Variants in CALD1 observed in about 807,000 individuals in gnomAD.
CALD1 encodes caldesmon 1.
A neutral mutation model predicts 99.9 loss-of-function variants in CALD1; 33 were observed. That is an observed-to-expected ratio of 0.33 (90% CI 0.25 to 0.44). CALD1 has a LOEUF of 0.44. Ranked by LOEUF, CALD1 falls within the 20% of genes least tolerant of loss-of-function variation. CALD1 has a pLI of 1.00. For missense variants in CALD1, 861 were observed against 962.1 expected (o/e 0.89, Z 1.39); for synonymous variants, 310 against 325.0 (o/e 0.95, Z 0.50).
In CALD1 at chr7:134,933,738, G is replaced by C. The variant is rs764129164; in HGVS notation, c.969G>C (p.Arg323Ser). 3.9e-6 allele frequency: 6 copies of C among 1,556,282 alleles called. No individual in the cohort carries two copies. The highest frequency in any genetic ancestry group is 2.4e-5 in the East Asian group (1 of 41,364). ...ERERMREEEK[R>S]AAEERQRIKE... is the part of the protein sequence containing the mutation. ...AAAGGATGAGGGAGGAAGAGAAAAG[G>C]GCAGCAGAGGAGAGGCAGAGGATAA... Residue 323 changes from arginine (R) to serine (S), a missense_variant, in exon 5 of 15, where the codon AGG (arginine) becomes AGC (serine). Around this residue, in one of 5 missense-constraint regions of CALD1, gnomAD observed 234 missense variants for 233.1 expected, o/e 1.00. Transcript: ENST00000361675.
chr7:134,771,245 C>T (rs891026941), intron 1 of CALD1, among the ~76,000 whole-genome samples: 1 of 152,160 alleles, frequency 6.6e-6, no homozygotes, highest in African/African-American at 2.4e-5. Context: ...AAGCCTGGAT[C>T]CCTTTTCTGA....
Position 134,934,048 on chromosome 7 carries a change from A to G in CALD1, c.1279A>G (p.Lys427Glu). The G allele has an allele frequency of 6.2e-7, 1 of 1,612,270 alleles. No homozygotes were observed. The highest frequency in any genetic ancestry group is 8.5e-7 in the Non-Finnish European group (1 of 1,179,516). The part of the protein sequence containing the change: ...WVNEKKAQED[K>E]LQTAVLKKQG... ...AAATGAAAAGAAAGCACAAGAAGATAAACTTCAGACAGCTGTCCTAAAGAA... is the reference window on the plus strand; with the variant it reads ...AAATGAAAAGAAAGCACAAGAAGATGAACTTCAGACAGCTGTCCTAAAGAA... The change falls in exon 5 of 15, where the codon AAA (lysine) becomes GAA (glutamate). Residue 427 changes from lysine (K) to glutamate (E), a missense_variant. By Grantham distance (56) the Lys-to-Glu change is moderately conservative. Coordinates refer to ENST00000361675, the MANE Select transcript of CALD1 (RefSeq NM_033138.4).
chr7:134,892,626 C>T (rs991269244), intron 3 of CALD1, among the ~76,000 whole-genome samples: 1 of 152,154 alleles, frequency 6.6e-6, no homozygotes, highest in Non-Finnish European at 1.5e-5. Flanking sequence ...TAGCAGATCT[C>T]TTGGAGAGCT....
upstream of CALD1, among the ~76,000 whole-genome samples, chr7:134,743,872 C>A (rs138529727): frequency 4.8e-3 from 727 of 152,274 alleles, 5 homozygotes; most frequent in Admixed American, 0.012. Context: ...TTCCCCGGGG[C>A]AGAAGAATTC....
In CALD1 at chr7:134,783,556, G is replaced by A. The variant is rs1046447679; in HGVS notation, c.-130+3807G>A. ...AGGCTGTGGGTAAGGCTATGGGAGCGGGGTCGGGGGGAAACTATGACCTGG... is the reference window on the plus strand; with the variant it reads ...AGGCTGTGGGTAAGGCTATGGGAGCAGGGTCGGGGGGAAACTATGACCTGG... On this transcript the variant is annotated intron_variant, in intron 1 of 14. Coordinates refer to ENST00000361675, the MANE Select transcript of CALD1 (RefSeq NM_033138.4). This position sits in a 1 kb window ranked among gnomAD's most constrained non-coding sequence, Gnocchi z 4.3. Among the ~76,000 whole-genome samples, 26 of 152,180 alleles carry A rather than the reference G, an allele frequency of 1.7e-4. No individual in the cohort carries two copies. The highest frequency in any genetic ancestry group is 5.9e-5 in the Non-Finnish European group (4 of 68,036).
intron 14 of CALD1, among the ~76,000 whole-genome samples, chr7:134,967,347 CCAAACTGT>C (rs1446747937): frequency 6.6e-6 from 1 of 152,108 alleles, no homozygotes; most frequent in African/African-American, 2.4e-5. Flanking sequence ...CTCTTTTGCT[CCAAACTGT>C]CAAACTCATT....
chr7:134,751,712 C>A (rs1796687203), intron 1 of CALD1, among the ~76,000 whole-genome samples: 1 of 152,078 alleles, frequency 6.6e-6, no homozygotes. Flanking sequence ...CGTGGTGGCT[C>A]ACAACTGTAG....
intron 1 of CALD1, among the ~76,000 whole-genome samples, chr7:134,840,317 C>G (rs563082422): frequency 6.6e-6 from 1 of 152,050 alleles, no homozygotes; most frequent in Non-Finnish European, 1.5e-5. Flanking sequence ...GTTGTCTTAC[C>G]TTCTGGTTGT....
At chr7:134,829,113 A>G (rs1056103876) in intron 1 of CALD1, among the ~76,000 whole-genome samples, 2 of 152,246 alleles carry the variant, frequency 1.3e-5, no homozygotes, top group African/African-American at 4.8e-5. Flanking sequence ...CAAAGTGCTG[A>G]GGAATCATTA....
At chr7:134,757,529 T>A (rs924128152) in intron 1 of CALD1, among the ~76,000 whole-genome samples, 12 of 152,176 alleles carry the variant, frequency 7.9e-5, no homozygotes, top group African/African-American at 2.9e-4. Flanking sequence ...TTTCCAGGCC[T>A]GAGTTCTTAT....
chr7:134,928,714 C>A (rs1373961476), intron 3 of CALD1, 40 bp from the exon 4 acceptor site: 7 of 1,595,660 alleles, frequency 4.4e-6, no homozygotes, highest in Non-Finnish European at 6.0e-6. Flanking sequence ...AGACACGTGG[C>A]AAGTGGCACG....
intron 3 of CALD1, among the ~76,000 whole-genome samples, chr7:134,910,410 C>G (rs1197741499): frequency 6.6e-6 from 1 of 152,134 alleles, no homozygotes; most frequent in Non-Finnish European, 1.5e-5. Context: ...CTCAGTTTAC[C>G]TAGTTGTACT....
At chr7:134,812,488 T>A (rs1314733593) in intron 1 of CALD1, among the ~76,000 whole-genome samples, 2 of 151,782 alleles carry the variant, frequency 1.3e-5, no homozygotes, top group African/African-American at 4.8e-5. Context: ...ATCGGGAGTG[T>A]TTACACAAGG....
intron 1 of CALD1, among the ~76,000 whole-genome samples, chr7:134,803,141 T>C: frequency 6.6e-6 from 1 of 152,212 alleles, no homozygotes; most frequent in South Asian, 2.1e-4. Flanking sequence ...TAATGACAAA[T>C]GATATTCGGC....
chr7:134,960,669 A>G, intron 13 of CALD1, 41 bp downstream of exon 13: 2 of 1,220,222 alleles, frequency 1.6e-6, no homozygotes, highest in Non-Finnish European at 2.4e-6. Context: ...TTGATCTCCC[A>G]GCTTCTACCA....
chr7:134,924,608 T>C (rs745846031), intron 3 of CALD1, among the ~76,000 whole-genome samples: 10 of 152,184 alleles, frequency 6.6e-5, no homozygotes, highest in African/African-American at 1.9e-4. Context: ...CATGTTATGA[T>C]TGAAAATGCC....
chr7:134,903,309 G>A lies in CALD1; in HGVS notation c.72-25445G>A, dbSNP rs530022364. On this transcript the variant is annotated intron_variant, in intron 3 of 14. Transcript: ENST00000361675. ...ACTATGGACTTTGGGTGATACTGAT[G>A]TGTCACTGCAGGTTCATCAGTTGTA... Among the ~76,000 whole-genome samples, 3 of 152,188 alleles carry A rather than the reference G, an allele frequency of 2.0e-5. No homozygotes were observed. The East Asian group carries it at 5.8e-4, about 29-fold the overall frequency.
intron 3 of CALD1, among the ~76,000 whole-genome samples, chr7:134,902,375 T>C (rs773146273): frequency 6.6e-6 from 1 of 152,130 alleles, no homozygotes; most frequent in Non-Finnish European, 1.5e-5. Flanking sequence ...TTCCCTTTCC[T>C]GTATATATGT....
intron 1 of CALD1, among the ~76,000 whole-genome samples, chr7:134,840,669 T>C (rs1354428445): frequency 1.3e-5 from 2 of 152,210 alleles, no homozygotes; most frequent in African/African-American, 4.8e-5. Flanking sequence ...ATGTCAGTGT[T>C]GGCAGCTATG....
Sources: allele counts gnomAD v4.1 joint callset (sites outside exome capture counted in the v4.1 genomes callset), GRCh38; gene constraint gnomAD v4.1.1; regional missense constraint gnomAD v4.1.1; non-coding constraint Gnocchi (gnomAD v3.1); transcripts MANE v1.5; gene names NCBI Gene and HGNC (gene_info 2026-07-23, HGNC 2026-07-21).